PPP2R1B: variants seen among roughly 807,000 people sequenced by gnomAD.
The protein encoded by PPP2R1B is serine/threonine-protein phosphatase 2A 65 kDa regulatory subunit A beta isoform.
In PPP2R1B, 58 loss-of-function variants were observed where a neutral mutation model predicts 72.7. The observed-to-expected ratio is 0.80, with a 90% CI of 0.65 to 0.99. PPP2R1B has a LOEUF of 0.99. Among genes scored for constraint, PPP2R1B ranks in the 50% least tolerant of loss-of-function variants. The pLI is 0.00. For missense variants in PPP2R1B, 695 were observed against 733.6 expected (o/e 0.95, Z 0.61); for synonymous variants, 256 against 264.6 (o/e 0.97, Z 0.32).
downstream of PPP2R1B, chr11:111,722,849 C>A: frequency 8.5e-7 from 1 of 1,181,136 alleles, no homozygotes; most frequent in Non-Finnish European, 1.2e-6. This position sits in a 1 kb window ranked among gnomAD's most constrained non-coding sequence, Gnocchi z 4.4. Flanking sequence ...ACATTCGCCA[C>A]TACTAGGAAA....
chr11:111,706,916 C>T, the PPP2R1B span, among the ~76,000 whole-genome samples: 6 of 149,538 alleles, frequency 4.0e-5, no homozygotes, highest in East Asian at 3.9e-4. Flanking sequence ...GCCGAGATCC[C>T]GCCACTGCAC....
downstream of PPP2R1B, chr11:111,721,948 C>A (rs756506108): frequency 2.5e-6 from 4 of 1,572,660 alleles, no homozygotes; most frequent in Middle Eastern, 5.1e-4. Context: ...CAGGTGGGTC[C>A]TTCTCCTTGC....
At chr11:111,716,422 C>T in the PPP2R1B span, among the ~76,000 whole-genome samples, 1 of 151,258 alleles carries the variant, frequency 6.6e-6, no homozygotes, top group Non-Finnish European at 1.5e-5. Flanking sequence ...ACTAAAAATA[C>T]AAAAATTAGC....
the PPP2R1B span, among the ~76,000 whole-genome samples, chr11:111,715,016 T>A: frequency 1.3e-5 from 2 of 152,216 alleles, no homozygotes; most frequent in Non-Finnish European, 2.9e-5. Flanking sequence ...ACTGCTGTAT[T>A]ATATAGGGCA....
At chr11:111,692,123 G>A in the PPP2R1B span, among the ~76,000 whole-genome samples, 2 of 151,812 alleles carry the variant, frequency 1.3e-5, no homozygotes, top group Non-Finnish European at 2.9e-5. Flanking sequence ...GGCCAAGACG[G>A]GCAGATTGCC....
chr11:111,760,930 A>G lies in PPP2R1B; in HGVS notation c.428T>C (p.Leu143Pro), dbSNP rs1555051172. 1 of 1,614,100 alleles carries G rather than the reference A, an allele frequency of 6.2e-7. No homozygotes were observed. The highest frequency in any genetic ancestry group is 8.5e-7 in the Non-Finnish European group (1 of 1,180,038). ...PVALEAYFVP[L>P]VKRLASGDWF... ...ATCCCCACTTGCTAAGCGTTTCACC[A>G]GAGGTACAAAATAAGCTTCCAGAGC... Residue 143 changes from leucine (L) to proline (P), a missense_variant, in exon 4 of 15, where the codon CTG becomes CCG. Transcript: ENST00000527614.
At chr11:111,727,145 T>G (rs949948267) in intron 15 of PPP2R1B, 38 of 1,102,800 alleles carry the variant, frequency 3.4e-5, no homozygotes, top group Non-Finnish European at 4.8e-5. Context: ...AGCTGCCCCC[T>G]CGCCACCTCT....
At chr11:111,727,646 C>T (rs1029620590) in intron 15 of PPP2R1B, 53 of 154,106 alleles carry the variant, frequency 3.4e-4, no homozygotes, top group East Asian at 2.7e-3. Context: ...ACCCACACAC[C>T]GAGTGTCATC....
chr11:111,693,554 A>G, the PPP2R1B span, among the ~76,000 whole-genome samples: 1 of 152,226 alleles, frequency 6.6e-6, no homozygotes, highest in Non-Finnish European at 1.5e-5. Flanking sequence ...AGTTGAGAAT[A>G]AAATAGATGA....
chr11:111,737,379 C>T, downstream of PPP2R1B: 1 of 1,610,122 alleles, frequency 6.2e-7, no homozygotes. Flanking sequence ...CAGCTCCCTG[C>T]ACACCATGCC....
chr11:111,716,579 CAAAAAAA>C, the PPP2R1B span, among the ~76,000 whole-genome samples: 1,058 of 150,066 alleles, frequency 7.1e-3, 8 homozygotes, highest in African/African-American at 0.025. Context: ...TCTGTCTCAC[CAAAAAAA>C]GAAAAAAGAA....
At chr11:111,727,147 G>A (rs1476056025) in intron 15 of PPP2R1B, 13 of 1,041,672 alleles carry the variant, frequency 1.2e-5, no homozygotes, top group Non-Finnish European at 1.6e-5. Context: ...CTGCCCCCTC[G>A]CCACCTCTGC....
At chr11:111,751,048 A>G (rs1456023816) in intron 10 of PPP2R1B, among the ~76,000 whole-genome samples, 1 of 152,166 alleles carries the variant, frequency 6.6e-6, no homozygotes, top group Non-Finnish European at 1.5e-5. Context: ...CATGTTGGCC[A>G]GGCTGGTCTG....
At chr11:111,712,483 C>T in the PPP2R1B span, 18 of 1,169,916 alleles carry the variant, frequency 1.5e-5, no homozygotes, top group South Asian at 2.7e-4. Context: ...TTCGTTAAGT[C>T]ACTCAGGAGT....
intron 6 of PPP2R1B, 86 bp downstream of exon 6, chr11:111,755,209 A>T (rs1054921391): frequency 1.9e-6 from 3 of 1,539,850 alleles, no homozygotes; most frequent in Non-Finnish European, 2.6e-6. Context: ...CCCATTGAAA[A>T]GAATTAATTC....
rs556139078 is a variant in PPP2R1B, at chr11:111,757,100, C to G, written c.688-1650G>C. 3.5e-5 allele frequency among the ~76,000 whole-genome samples: 4 copies of G among 114,384 alleles called. No homozygotes were observed. The South Asian group carries it at 1.1e-3, about 32-fold the overall frequency. The allele number at this position is 114,384 out of a possible 152,430, so 75.0% of individuals were successfully genotyped here. ...CTGCACTCCAGCCTGGGTGACAGAG[C>G]AAAACTCCAACTCAAAAAAAAAAAA... On this transcript the variant is annotated intron_variant, in intron 5 of 14. Coordinates refer to ENST00000527614, the MANE Select transcript of PPP2R1B (RefSeq NM_002716.5).
the PPP2R1B span, among the ~76,000 whole-genome samples, chr11:111,696,804 G>T: frequency 1.3e-5 from 2 of 152,180 alleles, no homozygotes; most frequent in African/African-American, 4.8e-5. Context: ...AATGAATGTG[G>T]TTAGTATGAT....
the PPP2R1B span, chr11:111,701,501 A>G: frequency 6.2e-7 from 1 of 1,613,948 alleles, no homozygotes; most frequent in Non-Finnish European, 8.5e-7. This position sits in a 1 kb window ranked among gnomAD's most constrained non-coding sequence, Gnocchi z 4.2. Flanking sequence ...CTGCCCTTTG[A>G]TGGACCGACT....
chr11:111,728,167 G>A (rs1004097148), intron 15 of PPP2R1B: 12 of 152,158 alleles, frequency 7.9e-5, no homozygotes, highest in African/African-American at 1.9e-4. Context: ...GAAGCCACCC[G>A]AGCCACTCGG....
Sources: allele counts gnomAD v4.1 joint callset (sites outside exome capture counted in the v4.1 genomes callset), GRCh38; gene constraint gnomAD v4.1.1; non-coding constraint Gnocchi (gnomAD v3.1); transcripts MANE v1.5; gene names NCBI Gene and HGNC (gene_info 2026-07-23, HGNC 2026-07-21).